LMX1A: variants seen among roughly 807,000 people sequenced by gnomAD.
LMX1A encodes the protein LIM homeobox transcription factor 1 alpha, also known as LIM homeobox transcription factor 1-alpha.
In LMX1A, 15 loss-of-function variants were observed where a neutral mutation model predicts 49.1. That is an observed-to-expected ratio of 0.31 (90% CI 0.20 to 0.47). The LOEUF is 0.47. Ranked by LOEUF, LMX1A falls within the 20% of genes least tolerant of loss-of-function variation. The pLI is 1.00. For synonymous variants in LMX1A, 167 were observed against 185.7 expected (o/e 0.90, Z 0.82); for missense variants, 372 against 475.8 (o/e 0.78, Z 2.03).
At position 165,267,833 on chromosome 1, in the gene LMX1A, G is replaced by A. The variant is rs1432842658; in HGVS notation, c.264-18193C>T. 2.0e-5 allele frequency among the ~76,000 whole-genome samples: 3 copies of A among 152,164 alleles called. No individual in the cohort carries two copies. The East Asian group carries it at 5.8e-4, about 29-fold the overall frequency. ...AATTCAGTACTGGGGAGGTCAGTGA[G>A]GAAGACATGTCTAGGGAGAAAGCCT... On this transcript the variant is annotated intron_variant, in intron 3 of 8. Transcript: ENST00000342310.
chr1:165,265,947 T>C (rs1441299329), intron 3 of LMX1A, among the ~76,000 whole-genome samples: 1 of 152,158 alleles, frequency 6.6e-6, no homozygotes, highest in Non-Finnish European at 1.5e-5. Flanking sequence ...TAGTAAATAG[T>C]GAAAAAGGTA....
At chr1:165,227,604 TA>T (rs1271668952) in intron 4 of LMX1A, among the ~76,000 whole-genome samples, 2 of 144,958 alleles carry the variant, frequency 1.4e-5, no homozygotes, top group Non-Finnish European at 3.1e-5. Context: ...GGGAAATGGT[TA>T]AGAGCAGTCT....
intron 3 of LMX1A, among the ~76,000 whole-genome samples, chr1:165,308,329 C>T (rs1320411995): frequency 6.6e-6 from 1 of 152,192 alleles, no homozygotes; most frequent in African/African-American, 2.4e-5. Flanking sequence ...CAGCCTTACT[C>T]AGGTTCCTCC....
chr1:165,220,364 A>G (rs1471778015), intron 4 of LMX1A, among the ~76,000 whole-genome samples: 2 of 152,184 alleles, frequency 1.3e-5, no homozygotes, highest in Admixed American at 1.3e-4. Context: ...GTAAGGAAGG[A>G]GAGGATTTAG....
intron 4 of LMX1A, among the ~76,000 whole-genome samples, chr1:165,247,848 T>C (rs956109709): frequency 9.2e-5 from 14 of 152,182 alleles, no homozygotes; most frequent in Admixed American, 7.2e-4. Flanking sequence ...CACAGAGATA[T>C]AGTGATATAA....
intron 3 of LMX1A, among the ~76,000 whole-genome samples, chr1:165,277,380 T>G (rs1654001665): frequency 1.3e-5 from 2 of 152,162 alleles, no homozygotes; most frequent in Admixed American, 1.3e-4. Flanking sequence ...AAGACATCTC[T>G]GCCAAATCCC....
intron 3 of LMX1A, among the ~76,000 whole-genome samples, chr1:165,335,235 A>G (rs1655863282): frequency 6.6e-6 from 1 of 152,220 alleles, no homozygotes; most frequent in Non-Finnish European, 1.5e-5. Context: ...GAATCTTAAA[A>G]GAGTTGAGAG....
At chr1:165,231,678 C>T (rs1652246310) in intron 4 of LMX1A, among the ~76,000 whole-genome samples, 1 of 152,030 alleles carries the variant, frequency 6.6e-6, no homozygotes, top group Non-Finnish European at 1.5e-5. Flanking sequence ...AACTTGGTTC[C>T]CATGAACCTG....
intron 3 of LMX1A, among the ~76,000 whole-genome samples, chr1:165,321,956 A>G (rs1037537075): frequency 7.9e-5 from 12 of 152,132 alleles, no homozygotes; most frequent in African/African-American, 2.9e-4. Flanking sequence ...TATCCGGAAT[A>G]TATAGAGTGC....
At chr1:165,345,753 G>T (rs1172284212) in intron 3 of LMX1A, among the ~76,000 whole-genome samples, 1 of 152,188 alleles carries the variant, frequency 6.6e-6, no homozygotes, top group African/African-American at 2.4e-5. Flanking sequence ...ATTAGGCCAG[G>T]TGCAGTAGCT....
intron 4 of LMX1A, among the ~76,000 whole-genome samples, chr1:165,248,277 G>A (rs2102636413): frequency 6.6e-6 from 1 of 152,294 alleles, no homozygotes; most frequent in African/African-American, 2.4e-5. Flanking sequence ...CTAGGGCCTA[G>A]TAAGGCTGGA....
chr1:165,292,061 C>CAAAAAAA (rs771664986), intron 3 of LMX1A, among the ~76,000 whole-genome samples: 7 of 82,524 alleles, frequency 8.5e-5, no homozygotes, highest in Admixed American at 1.6e-4. Context: ...AACTCCGTCT[C>CAAAAAAA]AAAAAAAAAA....
chr1:165,304,333 G>A (rs1654865673), intron 3 of LMX1A, among the ~76,000 whole-genome samples: 1 of 152,080 alleles, frequency 6.6e-6, no homozygotes, highest in Non-Finnish European at 1.5e-5. Flanking sequence ...TCCAGTCTCA[G>A]AAAGAAAAAG....
At chr1:165,315,542 A>G (rs1655193570) in intron 3 of LMX1A, among the ~76,000 whole-genome samples, 1 of 152,248 alleles carries the variant, frequency 6.6e-6, no homozygotes, top group Non-Finnish European at 1.5e-5. Context: ...AGGAGCCAGC[A>G]AAGTGGAAAT....
chr1:165,276,562 G>A (rs1653974091), intron 3 of LMX1A, among the ~76,000 whole-genome samples: 1 of 151,978 alleles, frequency 6.6e-6, no homozygotes, highest in East Asian at 1.9e-4. Flanking sequence ...TGAACACAAT[G>A]CTCAAAGATT....
intron 3 of LMX1A, among the ~76,000 whole-genome samples, chr1:165,294,227 A>G (rs182862975): frequency 1.3e-5 from 2 of 152,076 alleles, no homozygotes; most frequent in East Asian, 3.9e-4. Flanking sequence ...ACAAGCCTAG[A>G]TACTGCAGTT....
At chr1:165,285,160 C>G (rs1654269539) in intron 3 of LMX1A, among the ~76,000 whole-genome samples, 1 of 152,304 alleles carries the variant, frequency 6.6e-6, no homozygotes, top group East Asian at 1.9e-4. Context: ...AGGCAAGGAT[C>G]CAGTGAAGAA....
chr1:165,234,696 T>C (rs1394034079), intron 4 of LMX1A, among the ~76,000 whole-genome samples: 4 of 152,218 alleles, frequency 2.6e-5, no homozygotes, highest in African/African-American at 7.2e-5. Flanking sequence ...CTCTGAGGTC[T>C]TCACCGCCAA....
chr1:165,342,568 G>C (rs1656108774), intron 3 of LMX1A, among the ~76,000 whole-genome samples: 1 of 152,098 alleles, frequency 6.6e-6, no homozygotes, highest in African/African-American at 2.4e-5. Flanking sequence ...GTTGGTGTGG[G>C]ATAGGAAAGG....
Sources: gnomAD v4.1 joint callset for allele counts (sites outside exome capture counted in the v4.1 genomes callset) on GRCh38, gnomAD v4.1.1 for gene constraint, MANE v1.5 for transcripts, NCBI Gene and HGNC (gene_info 2026-07-23, HGNC 2026-07-21) for gene names.